PDE8B: variants seen among roughly 807,000 people sequenced by gnomAD.
The protein encoded by PDE8B is high affinity cAMP-specific and IBMX-insensitive 3',5'-cyclic phosphodiesterase 8B.
PDE8B carries 26 observed loss-of-function variants against 101.3 expected under a neutral mutation model. The observed-to-expected ratio is 0.26, with a 90% CI of 0.19 to 0.36. The LOEUF (loss-of-function observed/expected upper bound fraction) is 0.36, where lower values mean the gene tolerates loss of function less well. Among genes scored for constraint, PDE8B ranks in the 10% least tolerant of loss-of-function variants. The pLI is 1.00. For missense variants in PDE8B, 810 were observed against 1,163.1 expected (o/e 0.70, Z 4.42); for synonymous variants, 424 against 429.3 (o/e 0.99, Z 0.15).
chr5:77,093,385 A>G, the PDE8B span, among the ~76,000 whole-genome samples: 1 of 152,184 alleles, frequency 6.6e-6, no homozygotes, highest in Non-Finnish European at 1.5e-5. Flanking sequence ...TTTTCATAGT[A>G]TAGTATTTTT....
chr5:77,239,457 G>A lies in PDE8B; in HGVS notation c.339+28193G>A, dbSNP rs185850909. Among the ~76,000 whole-genome samples the A allele has an allele frequency of 4.6e-4, 70 of 152,208 alleles. 1 individual carries two copies. The highest frequency in any genetic ancestry group is 9.0e-4 in the Non-Finnish European group (61 of 68,010). ...TGCTAGCAGTACATAAACAACCTAT[G>A]GCTTCGATTTTCCAAGCACTTCCTT... is the stretch of plus-strand genomic sequence containing the variant. On this transcript the variant is annotated intron_variant, in intron 1 of 21. Coordinates refer to ENST00000264917, the MANE Select transcript of PDE8B (RefSeq NM_003719.5).
At chr5:77,124,553 T>G in the PDE8B span, among the ~76,000 whole-genome samples, 1 of 150,138 alleles carries the variant, frequency 6.7e-6, no homozygotes, top group Non-Finnish European at 1.5e-5. Flanking sequence ...TGCCACTCAC[T>G]CCAGCCTGGG....
intron 1 of PDE8B, among the ~76,000 whole-genome samples, chr5:77,212,605 A>G (rs1318397461): frequency 6.6e-6 from 1 of 152,212 alleles, no homozygotes; most frequent in African/African-American, 2.4e-5. Flanking sequence ...TTTCTCTCCT[A>G]ACTATTGAAT....
At chr5:77,353,787 C>G (rs1388193687) in intron 10 of PDE8B, among the ~76,000 whole-genome samples, 1 of 152,098 alleles carries the variant, frequency 6.6e-6, no homozygotes, top group Non-Finnish European at 1.5e-5. Flanking sequence ...AAGAATCATT[C>G]CAAATTAGTA....
chr5:77,180,809 G>A, the PDE8B span, among the ~76,000 whole-genome samples: 37 of 152,310 alleles, frequency 2.4e-4, no homozygotes, highest in Middle Eastern at 3.4e-3. Context: ...TCTCCGTCGG[G>A]CCGGCTCCTC....
intron 1 of PDE8B, among the ~76,000 whole-genome samples, chr5:77,282,694 C>T (rs1336391040): frequency 1.3e-5 from 2 of 151,966 alleles, no homozygotes; most frequent in Non-Finnish European, 2.9e-5. Flanking sequence ...GCCGTGAGTC[C>T]TCTTCTTCCG....
At position 77,271,858 on chromosome 5, in the gene PDE8B, G is replaced by C. The variant is rs528999997; in HGVS notation, c.340-40136G>C. Among the ~76,000 whole-genome samples the C allele has an allele frequency of 3.3e-5, 5 of 152,322 alleles. No individual in the cohort carries two copies. In the East Asian group the frequency reaches 9.6e-4, roughly 29 times the overall value. On this transcript the variant is annotated intron_variant, in intron 1 of 21. Coordinates refer to ENST00000264917, the MANE Select transcript of PDE8B (RefSeq NM_003719.5). ...GATGAGAAAACCGAGGCTTATAACA[G>C]GTTCTTCAGGTGGTACATGTTGGGG...
chr5:77,262,953 G>A (rs778667469), intron 1 of PDE8B, among the ~76,000 whole-genome samples: 35 of 152,274 alleles, frequency 2.3e-4, no homozygotes, highest in Middle Eastern at 3.4e-3. Context: ...CTCAACTGAG[G>A]ACTCCTTCCT....
chr5:77,396,172 C>A (rs1791016530), intron 10 of PDE8B, among the ~76,000 whole-genome samples: 1 of 152,266 alleles, frequency 6.6e-6, no homozygotes, highest in South Asian at 2.1e-4. Flanking sequence ...CAAAAGGGAA[C>A]AATTCCTTCA....
intron 2 of PDE8B, among the ~76,000 whole-genome samples, chr5:77,322,120 C>T (rs1452643778): frequency 1.3e-5 from 2 of 152,062 alleles, no homozygotes; most frequent in Non-Finnish European, 2.9e-5. Flanking sequence ...AGGTCTGGGA[C>T]ATATTGGTGG....
intron 2 of PDE8B, among the ~76,000 whole-genome samples, chr5:77,323,795 A>G (rs770410816): frequency 9.2e-5 from 14 of 151,938 alleles, no homozygotes; most frequent in Non-Finnish European, 1.0e-4. Flanking sequence ...CATTTCTACT[A>G]AAAAAATACA....
intron 14 of PDE8B, 120 bp from the exon 15 acceptor site, chr5:77,411,556 T>G: frequency 1.3e-6 from 1 of 782,018 alleles, no homozygotes; most frequent in Non-Finnish European, 2.2e-6. Flanking sequence ...TTGCTTCAAC[T>G]TAGACTTCCA....
At chr5:77,136,023 T>C in the PDE8B span, among the ~76,000 whole-genome samples, 1 of 152,170 alleles carries the variant, frequency 6.6e-6, no homozygotes, top group Non-Finnish European at 1.5e-5. Flanking sequence ...TGCCCACATC[T>C]TTGTCTTTCA....
intron 10 of PDE8B, among the ~76,000 whole-genome samples, chr5:77,391,985 T>G (rs182551553): frequency 6.6e-6 from 1 of 152,328 alleles, no homozygotes; most frequent in African/African-American, 2.4e-5. Context: ...AGTAGCTGTA[T>G]AGCAAATGGT....
At chr5:77,334,227 C>T (rs1336773336) in intron 5 of PDE8B, among the ~76,000 whole-genome samples, 3 of 152,234 alleles carry the variant, frequency 2.0e-5, no homozygotes, top group African/African-American at 7.2e-5. Context: ...AAACTCACCC[C>T]TGTGTTGCTA....
chr5:77,260,582 A>AT (rs34008487), intron 1 of PDE8B, among the ~76,000 whole-genome samples: 3,215 of 114,808 alleles, frequency 0.028, 97 homozygotes, highest in African/African-American at 0.058. Flanking sequence ...ACTGTGGCTC[A>AT]TTTTTTTTTT....
At chr5:77,290,132 G>C (rs992923646) in intron 1 of PDE8B, 10 of 1,139,270 alleles carry the variant, frequency 8.8e-6, no homozygotes, top group South Asian at 1.3e-5. Context: ...ATTACCCCTA[G>C]TTCCACGTGT....
intron 1 of PDE8B, among the ~76,000 whole-genome samples, chr5:77,229,246 A>G (rs1421196168): frequency 6.6e-6 from 1 of 152,202 alleles, no homozygotes; most frequent in African/African-American, 2.4e-5. Flanking sequence ...TACGGAATTC[A>G]TTTTTCTTGC....
chr5:77,254,995 C>T (rs1481504823), intron 1 of PDE8B, among the ~76,000 whole-genome samples: 1 of 152,144 alleles, frequency 6.6e-6, no homozygotes, highest in Non-Finnish European at 1.5e-5. Flanking sequence ...CTGTTGCTTG[C>T]TTTTTCTTTT....
Sources: gnomAD v4.1 joint callset for allele counts (sites outside exome capture counted in the v4.1 genomes callset) on GRCh38, gnomAD v4.1.1 for gene constraint, MANE v1.5 for transcripts, NCBI Gene and HGNC (gene_info 2026-07-23, HGNC 2026-07-21) for gene names.